NCAPD3: variants seen among roughly 807,000 people sequenced by gnomAD.
NCAPD3 encodes the protein condensin-2 complex subunit D3.
NCAPD3 carries 105 observed loss-of-function variants against 182.9 expected under a neutral mutation model. The ratio of observed to expected loss-of-function variants is 0.57; its 90% CI spans 0.49 to 0.68. The LOEUF (loss-of-function observed/expected upper bound fraction) is 0.68. Ranked by LOEUF, NCAPD3 falls within the 30% of genes least tolerant of loss-of-function variation. The pLI, the probability that NCAPD3 is intolerant of heterozygous loss-of-function variation, is 0.00. For synonymous variants in NCAPD3, 815 were observed against 679.9 expected (o/e 1.20, Z -3.09); for missense variants, 1,944 against 1,837.0 (o/e 1.06, Z -1.07).
chr11:134,165,843 G>C lies in NCAPD3; in HGVS notation c.3573+2153C>G, dbSNP rs368894217. On this transcript the variant is annotated intron_variant, in intron 27 of 34. Coordinates refer to ENST00000534548, the MANE Select transcript of NCAPD3 (RefSeq NM_015261.3). ...ATGAGCTTGGGGGAGGCGCACACTC[G>C]TGAGATGAGCTTAGGGGAGCTGCAC... is the stretch of plus-strand genomic sequence containing the variant. Among the ~76,000 whole-genome samples, 46 of 110,194 alleles carry C rather than the reference G, an allele frequency of 4.2e-4. No individual in the cohort carries two copies. The East Asian group carries it at 8.0e-3, about 19-fold the overall frequency. The allele number at this position is 110,194 out of a possible 152,430, so 72.3% of individuals were successfully genotyped here. A position where few individuals can be genotyped will look rare whatever the true frequency, so the allele number is the denominator to read the frequency against.
At chr11:134,158,177 C>G in intron 30 of NCAPD3, 110 bp from the exon 31 acceptor site, 1 of 1,518,786 alleles carries the variant, frequency 6.6e-7, no homozygotes, top group South Asian at 1.2e-5. Flanking sequence ...CCTCACCACC[C>G]TCATTCAAAC....
rs143115531 is a variant in NCAPD3, at chr11:134,162,363, G to GTC, written c.3574-474_3574-473dup. 1.7e-3 allele frequency among the ~76,000 whole-genome samples: 260 copies of GTC among 152,114 alleles called. 4 individuals carry two copies. In the South Asian group the frequency reaches 0.02, roughly 12 times the overall value. ...GCTAAGCATGAAGACAGCCAGCTCT[G>GTC]TCTCTCTCTCTGTGTACACATCTAC... On this transcript the variant is annotated intron_variant, in intron 27 of 34. Transcript: ENST00000534548.
chr11:134,181,664 A>G (rs1426248968), intron 19 of NCAPD3, among the ~76,000 whole-genome samples: 2 of 152,200 alleles, frequency 1.3e-5, no homozygotes, highest in Non-Finnish European at 2.9e-5. Flanking sequence ...ACTGATTACA[A>G]TAACTTCAAG....
intron 27 of NCAPD3, among the ~76,000 whole-genome samples, chr11:134,167,368 G>T (rs1381150023): frequency 1.1e-5 from 1 of 87,068 alleles, no homozygotes; most frequent in Non-Finnish European, 2.1e-5. Flanking sequence ...TGGGGGAGGC[G>T]CACACTCGTG....
At chr11:134,172,547 G>A (rs1944033505) in intron 24 of NCAPD3, among the ~76,000 whole-genome samples, 2 of 152,282 alleles carry the variant, frequency 1.3e-5, no homozygotes, top group South Asian at 4.1e-4. Flanking sequence ...CATTATTTGA[G>A]GCGCTGTCCT....
intron 27 of NCAPD3, among the ~76,000 whole-genome samples, chr11:134,165,667 G>A (rs1351829026): frequency 1.4e-5 from 2 of 143,570 alleles, no homozygotes; most frequent in Non-Finnish European, 3.0e-5. Context: ...TGAGCTCAGG[G>A]GAGCAGCATA....
intron 24 of NCAPD3, among the ~76,000 whole-genome samples, chr11:134,172,467 C>T (rs1037814571): frequency 6.6e-6 from 1 of 152,176 alleles, no homozygotes; most frequent in Non-Finnish European, 1.5e-5. Flanking sequence ...TCCAGATAGT[C>T]GCGTGCTTGC....
At chr11:134,167,240 G>A (rs1339673624) in intron 27 of NCAPD3, among the ~76,000 whole-genome samples, 4 of 128,520 alleles carry the variant, frequency 3.1e-5, no homozygotes, top group Non-Finnish European at 4.9e-5. Flanking sequence ...TGGGGGAGGC[G>A]CACACTCGTG....
intron 32 of NCAPD3, 65 bp from the exon 33 acceptor site, chr11:134,153,428 T>A: frequency 6.5e-7 from 1 of 1,527,124 alleles, no homozygotes; most frequent in East Asian, 2.3e-5. Flanking sequence ...CTGTTCTAGT[T>A]GTCCGTGGGA....
At chr11:134,184,541 T>C in intron 19 of NCAPD3, 96 bp downstream of exon 19, 1 of 830,756 alleles carries the variant, frequency 1.2e-6, no homozygotes, top group Non-Finnish European at 1.9e-6. Context: ...ACACGTCCTC[T>C]TATTTATAGA....
intron 30 of NCAPD3, 22 bp from the exon 31 acceptor site, chr11:134,158,089 G>A (rs371399472): frequency 6.2e-5 from 99 of 1,608,930 alleles, no homozygotes; most frequent in Non-Finnish European, 7.7e-5. Context: ...AGCCACAGCC[G>A]CTGACTTTCT....
intron 20 of NCAPD3, 28 bp from the exon 21 acceptor site, chr11:134,178,964 AAAT>A: frequency 6.7e-7 from 1 of 1,494,856 alleles, no homozygotes; most frequent in Non-Finnish European, 9.3e-7. Context: ...TTTACAGTAA[AAAT>A]AAGGCAAAAG....
At chr11:134,205,743 A>G (rs1937599344) in intron 8 of NCAPD3, among the ~76,000 whole-genome samples, 2 of 152,252 alleles carry the variant, frequency 1.3e-5, no homozygotes, top group Admixed American at 1.3e-4. Flanking sequence ...GTAACATTAC[A>G]TGAAGACTAT....
At chr11:134,185,060 A>C in intron 17 of NCAPD3, 60 bp from the exon 18 acceptor site, 1 of 1,324,550 alleles carries the variant, frequency 7.5e-7, no homozygotes, top group South Asian at 1.2e-5. Flanking sequence ...CTGCCAACAA[A>C]GGCCTTTCTT....
rs140260009 is a variant in NCAPD3, at chr11:134,168,125, G to T, written c.3444C>A (p.Val1148=). Residue 1148 remains valine (V), a synonymous_variant, in exon 27 of 35, where the codon GTC becomes GTA. Transcript: ENST00000534548. ...ASELLSDTFE[V]LSSKEIKLLA... ...AAAGCTTGATCTCCTTTGAGCTGAG[G>T]ACCTCAAACGTGTCTGAGAGTAACT... is the stretch of plus-strand genomic sequence containing the variant. 24 of 1,613,962 alleles carry T rather than the reference G, an allele frequency of 1.5e-5. No individual in the cohort carries two copies. Among genetic ancestry groups the T allele is most frequent in the Middle Eastern group, 1.6e-4 (1 of 6,082 alleles).
At chr11:134,205,599 A>C (rs951847476) in intron 8 of NCAPD3, among the ~76,000 whole-genome samples, 3 of 151,244 alleles carry the variant, frequency 2.0e-5, no homozygotes, top group African/African-American at 7.3e-5. Context: ...CTCGTCTTCA[A>C]CTCCTGACCT....
intron 18 of NCAPD3, 27 bp from the exon 19 acceptor site, chr11:134,184,779 G>A: frequency 6.6e-7 from 1 of 1,514,048 alleles, no homozygotes; most frequent in Non-Finnish European, 9.1e-7. Context: ...AACCCCTGAA[G>A]TTCAACTGCT....
At chr11:134,197,250 T>C (rs1284638630) in intron 13 of NCAPD3, among the ~76,000 whole-genome samples, 3 of 151,098 alleles carry the variant, frequency 2.0e-5, no homozygotes, top group Non-Finnish European at 4.4e-5. Context: ...ATCTCTTTTC[T>C]GATAAATTAC....
chr11:134,189,580 ACTT>A (rs1944481998), intron 16 of NCAPD3, among the ~76,000 whole-genome samples: 1 of 152,116 alleles, frequency 6.6e-6, no homozygotes, highest in Admixed American at 6.5e-5. Context: ...TTCCTCTACT[ACTT>A]ATTGTATAAT....
Sources: gnomAD v4.1 joint callset for allele counts (sites outside exome capture counted in the v4.1 genomes callset) on GRCh38, gnomAD v4.1.1 for gene constraint, MANE v1.5 for transcripts, NCBI Gene and HGNC (gene_info 2026-07-23, HGNC 2026-07-21) for gene names.